The following PLPP7 variants were observed in gnomAD, a reference collection of about 807,000 sequenced individuals.
The protein encoded by PLPP7 is inactive phospholipid phosphatase 7.
In PLPP7, 11 loss-of-function variants were observed where a neutral mutation model predicts 16.9. That is an observed-to-expected ratio of 0.65 (90% CI 0.41 to 1.08). PLPP7 has a LOEUF of 1.08. PLPP7 is among the 50% of genes least tolerant of loss of function. The pLI, the probability that PLPP7 is intolerant of heterozygous loss-of-function variation, is 0.00. For synonymous variants in PLPP7, 174 were observed against 175.1 expected, an observed-to-expected ratio of 0.99 and a Z score of 0.05; for missense variants, 358 against 397.1, an observed-to-expected ratio of 0.90 and a Z score of 0.84.
intron 1 of PLPP7, chr9:131,291,238 C>T (rs1170516290): frequency 2.9e-5 from 39 of 1,344,910 alleles, no homozygotes; most frequent in Non-Finnish European, 3.7e-5. Context: ...CCAAGGTGCC[C>T]CAGGAAGCTT....
At chr9:131,297,943 A>G (rs1442355356) in intron 1 of PLPP7, among the ~76,000 whole-genome samples, 3 of 152,200 alleles carry the variant, frequency 2.0e-5, no homozygotes, top group Non-Finnish European at 2.9e-5. Flanking sequence ...TTTCCACTTA[A>G]CATACCCCAT....
chr9:131,307,869 C>T, intron 1 of PLPP7, 54 bp from the exon 2 acceptor site: 18 of 1,499,116 alleles, frequency 1.2e-5, no homozygotes, highest in Non-Finnish European at 1.6e-5. Context: ...GGGCCAGGGC[C>T]TGGGCCTGGC....
In PLPP7 at chr9:131,308,192, C is replaced by G; in HGVS notation, c.721C>G (p.Leu241Val). The G allele has an allele frequency of 6.2e-7, 1 of 1,600,104 alleles. No homozygotes were observed. The highest frequency in any genetic ancestry group is 8.5e-7 in the Non-Finnish European group (1 of 1,179,834). Residue 241 changes from leucine to valine, a missense_variant, in exon 2 of 2, where the codon CTC (leucine) becomes GTC (valine). Leu to Val is a conservative substitution (Grantham distance 32). Coordinates refer to ENST00000372264, the MANE Select transcript of PLPP7 (RefSeq NM_032728.4). ...CGGCCGCCACCACGTCACGGACGTCCTCTCCGGCTTTGTCATCGGCTACCT... is the reference window on the plus strand; with the variant it reads ...CGGCCGCCACCACGTCACGGACGTCGTCTCCGGCTTTGTCATCGGCTACCT... ...MIGRHHVTDVLSGFVIGYLQF... is the reference protein window; with the variant it reads ...MIGRHHVTDVVSGFVIGYLQF...
At chr9:131,293,897 G>T (rs933001141) in intron 1 of PLPP7, among the ~76,000 whole-genome samples, 13 of 152,172 alleles carry the variant, frequency 8.5e-5, no homozygotes, top group African/African-American at 3.1e-4. Context: ...TGGCCCCGTG[G>T]CACTCAGCTA....
At chr9:131,301,200 C>T (rs1161722121) in intron 1 of PLPP7, among the ~76,000 whole-genome samples, 2 of 152,110 alleles carry the variant, frequency 1.3e-5, no homozygotes, top group East Asian at 3.9e-4. Flanking sequence ...AACTCCTGAC[C>T]TCAGGTGATC....
chr9:131,298,077 C>T (rs1192430880), intron 1 of PLPP7, among the ~76,000 whole-genome samples: 2 of 152,046 alleles, frequency 1.3e-5, no homozygotes, highest in Admixed American at 1.3e-4. Flanking sequence ...GGCGCTGGGT[C>T]GTTTCACGTT....
chr9:131,308,201 T>G lies in PLPP7; in HGVS notation c.730T>G (p.Phe244Val), dbSNP rs759915122. Residue 244 changes from phenylalanine to valine, a missense_variant, in exon 2 of 2, where the codon TTT (phenylalanine) becomes GTT (valine). Transcript: ENST00000372264. The part of the protein sequence containing the change: ...RHHVTDVLSG[F>V]VIGYLQFRLV... Reference sequence around the variant, plus strand: ...CCACGTCACGGACGTCCTCTCCGGCTTTGTCATCGGCTACCTCCAGTTCCG... The same window carrying G: ...CCACGTCACGGACGTCCTCTCCGGCGTTGTCATCGGCTACCTCCAGTTCCG... 3 of 1,599,928 alleles carry G rather than the reference T, an allele frequency of 1.9e-6. No individual in the cohort carries two copies. In the African/African-American group the frequency reaches 4.0e-5, roughly 21 times the overall value.
At chr9:131,296,653 C>T (rs550504265) in intron 1 of PLPP7, among the ~76,000 whole-genome samples, 3 of 152,164 alleles carry the variant, frequency 2.0e-5, no homozygotes, top group Non-Finnish European at 4.4e-5. Context: ...GAGCCTCTGC[C>T]GCAGCTTGGG....
intron 1 of PLPP7, among the ~76,000 whole-genome samples, chr9:131,294,630 A>G (rs1396711878): frequency 6.6e-6 from 1 of 151,976 alleles, no homozygotes; most frequent in Non-Finnish European, 1.5e-5. Flanking sequence ...TCCTTGATCT[A>G]TGTCCTTTAT....
intron 1 of PLPP7, among the ~76,000 whole-genome samples, chr9:131,300,689 GAAAAA>G (rs1165239833): frequency 2.5e-5 from 1 of 40,358 alleles, no homozygotes; most frequent in Non-Finnish European, 5.0e-5. Flanking sequence ...CTCAAAAGCA[GAAAAA>G]AAAAAAAAAA....
chr9:131,294,260 T>C (rs977642561), intron 1 of PLPP7, among the ~76,000 whole-genome samples: 1 of 152,216 alleles, frequency 6.6e-6, no homozygotes, highest in African/African-American at 2.4e-5. Context: ...TGACTTTGCC[T>C]CTCTGAGCCT....
chr9:131,293,735 C>A (rs577684089), intron 1 of PLPP7, among the ~76,000 whole-genome samples: 1 of 152,196 alleles, frequency 6.6e-6, no homozygotes, highest in East Asian at 1.9e-4. Flanking sequence ...TGTCTCTGAG[C>A]CTCAGTTTCC....
rs190805193 is a variant in PLPP7 at position 131,306,001 on chromosome 9, G to T, written c.452-1922G>T. ...GCCTGTAATCCCAGCACTTTGGGAGGCCAAGACGGGCGGATCGCGAGGTCA... is the reference window on the plus strand; with the variant it reads ...GCCTGTAATCCCAGCACTTTGGGAGTCCAAGACGGGCGGATCGCGAGGTCA... On this transcript the variant is annotated intron_variant, in intron 1 of 1. Coordinates refer to ENST00000372264, the MANE Select transcript of PLPP7 (RefSeq NM_032728.4). Among the ~76,000 whole-genome samples the T allele has an allele frequency of 1.0e-3, 153 of 152,228 alleles. 1 individual carries two copies. The highest frequency in any genetic ancestry group is 4.8e-3 in the South Asian group (23 of 4,830).
At chr9:131,302,469 C>G (rs1835809826) in intron 1 of PLPP7, among the ~76,000 whole-genome samples, 1 of 151,926 alleles carries the variant, frequency 6.6e-6, no homozygotes, top group Admixed American at 6.6e-5. Context: ...CAGTCCCTCT[C>G]TCCTGCTGGA....
chr9:131,290,464 G>T lies in PLPP7; in HGVS notation c.451+16G>T, dbSNP rs781279436. 5 of 1,467,892 alleles carry T rather than the reference G, an allele frequency of 3.4e-6. No homozygotes were observed. Among genetic ancestry groups the T allele is most frequent in the Non-Finnish European group, 4.5e-6 (5 of 1,112,880 alleles). 90.9% of individuals were successfully genotyped at this position (1,467,892 alleles called of 1,614,324 possible). A position where few individuals can be genotyped will look rare whatever the true frequency, so the allele number is the denominator to read the frequency against. ...CTGCTCCTGGGTGAGTGTGCCTGCC[G>T]CCCGCCACTCACTGTCAGGCCCCTC... is the stretch of plus-strand genomic sequence containing the variant. On this transcript the variant is annotated intron_variant, in intron 1 of 1. Transcript: ENST00000372264. The surrounding 1 kb of genome is among the most constrained non-coding windows in gnomAD (Gnocchi z 4.2).
chr9:131,290,266 T>C lies in PLPP7; in HGVS notation c.269T>C (p.Ile90Thr). Residue 90 changes from isoleucine (I) to threonine (T), a missense_variant, in exon 1 of 2, where the codon ATC (isoleucine) becomes ACC (threonine). Transcript: ENST00000372264. The surrounding 1 kb of genome is among the most constrained non-coding windows in gnomAD (Gnocchi z 4.2). ...IAFNSLLAID[I>T]CMSKRLGVCA... ...TTCAACTCCCTGCTGGCCATCGATATCTGTATGTCCAAGCGGCTGGGGGTG... is the reference window on the plus strand; with the variant it reads ...TTCAACTCCCTGCTGGCCATCGATACCTGTATGTCCAAGCGGCTGGGGGTG... 1 of 1,612,104 alleles carries C rather than the reference T, an allele frequency of 6.2e-7. No individual in the cohort carries two copies. Among genetic ancestry groups the C allele is most frequent in the Non-Finnish European group, 8.5e-7 (1 of 1,179,008 alleles).
chr9:131,299,183 C>G (rs1210914889), intron 1 of PLPP7, among the ~76,000 whole-genome samples: 1 of 145,372 alleles, frequency 6.9e-6, no homozygotes, highest in African/African-American at 2.5e-5. Context: ...CTTTCTGGAG[C>G]CTGAGTGCGC....
At position 131,295,248 on chromosome 9, in the gene PLPP7, G is replaced by A. The variant is rs1181001081; in HGVS notation, c.451+4800G>A. ...GGCTCACAGCAACCTCTGCCTCCCT[G>A]GTTCAAGTGATTCTCCTGCCTCACC... On this transcript the variant is annotated intron_variant, in intron 1 of 1. Transcript: ENST00000372264. The surrounding 1 kb of genome is among the most constrained non-coding windows in gnomAD (Gnocchi z 4.0). Among the ~76,000 whole-genome samples the A allele has an allele frequency of 6.6e-6, 1 of 151,902 alleles. No individual in the cohort carries two copies. The highest frequency in any genetic ancestry group is 1.5e-5 in the Non-Finnish European group (1 of 67,982).
rs545128255 is a variant in PLPP7 at position 131,305,289 on chromosome 9, C to G, written c.452-2634C>G. On this transcript the variant is annotated intron_variant, in intron 1 of 1. Coordinates refer to ENST00000372264, the MANE Select transcript of PLPP7 (RefSeq NM_032728.4). ...TTGTGGCCGGGCACAGTGGCTCACG[C>G]CTGGAATCCCAGCACTTTGGGAGGC... 2.0e-5 allele frequency among the ~76,000 whole-genome samples: 3 copies of G among 152,308 alleles called. No individual in the cohort carries two copies. In the East Asian group the frequency reaches 5.8e-4, roughly 29 times the overall value.
Sources: allele counts gnomAD v4.1 joint callset (sites outside exome capture counted in the v4.1 genomes callset), GRCh38; gene constraint gnomAD v4.1.1; non-coding constraint Gnocchi (gnomAD v3.1); transcripts MANE v1.5; gene names NCBI Gene and HGNC (gene_info 2026-07-23, HGNC 2026-07-21).